Variants in CDKAL1 observed in about 807,000 individuals in gnomAD.
CDKAL1 encodes the protein threonylcarbamoyladenosine tRNA methylthiotransferase.
Under a neutral mutation model 68.2 loss-of-function variants are expected in CDKAL1, and 32 were observed. The observed-to-expected ratio is 0.47, with a 90% confidence interval of 0.35 to 0.63. The LOEUF (loss-of-function observed/expected upper bound fraction) is 0.63, where lower values mean the gene tolerates loss of function less well. CDKAL1 is among the 30% of genes least tolerant of loss of function. The pLI is 0.00. For missense variants in CDKAL1, 606 were observed against 696.7 expected (o/e 0.87, Z 1.47); for synonymous variants, 234 against 244.3 (o/e 0.96, Z 0.39).
chr6:21,064,536 G>C (rs1316471569), intron 11 of CDKAL1, among the ~76,000 whole-genome samples: 1 of 152,158 alleles, frequency 6.6e-6, no homozygotes, highest in Non-Finnish European at 1.5e-5. Flanking sequence ...TTTTTAAAAA[G>C]AGAAGCAATT....
intron 9 of CDKAL1, among the ~76,000 whole-genome samples, chr6:20,898,331 A>C (rs746647156): frequency 1.3e-5 from 2 of 149,986 alleles, no homozygotes; most frequent in African/African-American, 4.9e-5. Flanking sequence ...CTCACCTCCA[A>C]CCATGCCTCC....
At chr6:20,899,435 T>A (rs1469206656) in intron 9 of CDKAL1, among the ~76,000 whole-genome samples, 1 of 152,216 alleles carries the variant, frequency 6.6e-6, no homozygotes, top group Non-Finnish European at 1.5e-5. Context: ...TAATTTGTCT[T>A]GTTCTTGCTG....
chr6:21,218,950 TATTA>T (rs1779436850), intron 15 of CDKAL1, among the ~76,000 whole-genome samples: 2 of 152,288 alleles, frequency 1.3e-5, no homozygotes, highest in East Asian at 3.9e-4. Flanking sequence ...AGTTTTTTAA[TATTA>T]ATCTAATTTT....
At chr6:20,983,628 G>A (rs1488705327) in intron 10 of CDKAL1, among the ~76,000 whole-genome samples, 1 of 152,196 alleles carries the variant, frequency 6.6e-6, no homozygotes, top group Non-Finnish European at 1.5e-5. Flanking sequence ...GGCTGAGGCA[G>A]GAGAATCGCT....
chr6:20,600,260 ATG>A (rs1433944091), intron 4 of CDKAL1, among the ~76,000 whole-genome samples: 1 of 152,074 alleles, frequency 6.6e-6, no homozygotes, highest in African/African-American at 2.4e-5. Context: ...ATGACTGTAT[ATG>A]TGTTAATAAT....
intron 9 of CDKAL1, among the ~76,000 whole-genome samples, chr6:20,858,839 A>C (rs948439536): frequency 1.3e-5 from 2 of 152,200 alleles, no homozygotes; most frequent in African/African-American, 4.8e-5. Flanking sequence ...AAAAGGAAGT[A>C]AAAATAAAAA....
At chr6:20,994,519 C>T (rs192982833) in intron 10 of CDKAL1, among the ~76,000 whole-genome samples, 1 of 152,228 alleles carries the variant, frequency 6.6e-6, no homozygotes, top group East Asian at 1.9e-4. Context: ...GTTTCAATCT[C>T]AAGCTTCAGC....
At chr6:20,874,645 G>A (rs1760404866) in intron 9 of CDKAL1, among the ~76,000 whole-genome samples, 1 of 151,990 alleles carries the variant, frequency 6.6e-6, no homozygotes, top group African/African-American at 2.4e-5. Context: ...GGGATTACAG[G>A]CATAAGCCAC....
chr6:21,225,545 AC>A (rs1302751158), intron 15 of CDKAL1, among the ~76,000 whole-genome samples: 1 of 151,948 alleles, frequency 6.6e-6, no homozygotes, highest in Non-Finnish European at 1.5e-5. Flanking sequence ...TATTCCAGGC[AC>A]TCTGCCCGGC....
intron 12 of CDKAL1, among the ~76,000 whole-genome samples, chr6:21,072,092 A>T (rs150867889): frequency 1.3e-3 from 204 of 152,276 alleles, no homozygotes; most frequent in Non-Finnish European, 2.1e-3. Flanking sequence ...ACCCAGCTGA[A>T]ATTCTATGGT....
intron 9 of CDKAL1, among the ~76,000 whole-genome samples, chr6:20,896,345 AC>A (rs1464403105): frequency 1.3e-5 from 2 of 151,796 alleles, no homozygotes; most frequent in Non-Finnish European, 2.9e-5. Flanking sequence ...TGATCCACCC[AC>A]CTTGGCTTCC....
intron 2 of CDKAL1, 55 bp from the exon 3 acceptor site, chr6:20,546,291 G>A: frequency 7.6e-7 from 1 of 1,310,378 alleles, no homozygotes; most frequent in Non-Finnish European, 1.1e-6. Flanking sequence ...CATAAATGAT[G>A]CTACGCTAAG....
At chr6:20,773,748 G>T (rs918669802) in intron 7 of CDKAL1, among the ~76,000 whole-genome samples, 1 of 151,964 alleles carries the variant, frequency 6.6e-6, no homozygotes, top group Non-Finnish European at 1.5e-5. Flanking sequence ...GGGTTTCACC[G>T]TGTTAGCCAG....
chr6:20,780,519 G>A (rs1775372616), intron 7 of CDKAL1, among the ~76,000 whole-genome samples: 2 of 152,032 alleles, frequency 1.3e-5, no homozygotes, highest in Non-Finnish European at 2.9e-5. Context: ...AACCCTTCCT[G>A]CTGCACATGC....
At chr6:21,022,849 G>A (rs1201822082) in intron 11 of CDKAL1, among the ~76,000 whole-genome samples, 1 of 152,154 alleles carries the variant, frequency 6.6e-6, no homozygotes, top group African/African-American at 2.4e-5. Flanking sequence ...CAGGAAGTGC[G>A]TTACTATTCA....
At chr6:20,677,597 G>C (rs1167826782) in intron 5 of CDKAL1, among the ~76,000 whole-genome samples, 1 of 152,028 alleles carries the variant, frequency 6.6e-6, no homozygotes, top group South Asian at 2.1e-4. Flanking sequence ...TGTATTTTTA[G>C]TAGAGACAGA....
chr6:21,093,694 C>CTTTTT lies in CDKAL1; in HGVS notation c.1237-14671_1237-14667dup, dbSNP rs547923386. 4.2e-4 allele frequency among the ~76,000 whole-genome samples: 37 copies of CTTTTT among 88,086 alleles called. 2 individuals carry two copies. Among genetic ancestry groups the CTTTTT allele is most frequent in the African/African-American group, 7.3e-4 (16 of 21,940 alleles). The allele number at this position is 88,086 out of a possible 152,430, so 57.8% of individuals were successfully genotyped here. A position where few individuals can be genotyped will look rare whatever the true frequency, so the allele number is the denominator to read the frequency against. On this transcript the variant is annotated intron_variant, in intron 12 of 15. Transcript: ENST00000274695. Reference sequence around the variant, plus strand: ...ATAACCAACTGAGCTGCTGCTGCTGCTTTTTTTTTTTTTTTTTTTTTTTTT... The same window carrying CTTTTT: ...ATAACCAACTGAGCTGCTGCTGCTGCTTTTTTTTTTTTTTTTTTTTTTTTTTTTTT...
intron 5 of CDKAL1, among the ~76,000 whole-genome samples, chr6:20,653,568 C>T (rs573230112): frequency 2.6e-5 from 4 of 152,166 alleles, no homozygotes; most frequent in South Asian, 4.2e-4. Context: ...TCTCCTGCCT[C>T]AGCCTCCCGG....
At chr6:20,952,538 G>T (rs1007694333) in intron 9 of CDKAL1, among the ~76,000 whole-genome samples, 2 of 152,222 alleles carry the variant, frequency 1.3e-5, no homozygotes, top group Admixed American at 6.5e-5. Flanking sequence ...TCTATCGTGA[G>T]CTGGAAGAGC....
Sources: allele counts gnomAD v4.1 joint callset (sites outside exome capture counted in the v4.1 genomes callset), GRCh38; gene constraint gnomAD v4.1.1; transcripts MANE v1.5; gene names NCBI Gene and HGNC (gene_info 2026-07-23, HGNC 2026-07-21).